CBR3: variants seen among roughly 807,000 people sequenced by gnomAD.
CBR3 encodes carbonyl reductase 3.
A neutral mutation model predicts 11.6 loss-of-function variants in CBR3; 14 were observed. The observed-to-expected ratio is 1.20, with a 90% CI of 0.79 to 1.88. The LOEUF (loss-of-function observed/expected upper bound fraction) is 1.88. Ranked by LOEUF, CBR3 falls within the 40% of genes most tolerant of loss-of-function variation. CBR3 has a pLI of 0.00. For synonymous variants in CBR3, 125 were observed against 145.6 expected (o/e 0.86, Z 1.02); for missense variants, 308 against 357.3 (o/e 0.86, Z 1.11).
Position 36,139,727 on chromosome 21 carries a change from G to A in CBR3, c.397+1795G>A, listed in dbSNP as rs1468818008. Reference sequence around the variant, plus strand: ...TTAACATTTCGAATATGGATTATTGGCCGGGTGTGGTGGCTCATGCCTGTA... The same window carrying A: ...TTAACATTTCGAATATGGATTATTGACCGGGTGTGGTGGCTCATGCCTGTA... On this transcript the variant is annotated intron_variant, in intron 2 of 2. Transcript: ENST00000290354. 2.6e-5 allele frequency among the ~76,000 whole-genome samples: 4 copies of A among 151,928 alleles called. No homozygotes were observed. In the East Asian group the frequency reaches 7.8e-4, roughly 30 times the overall value.
intron 2 of CBR3, among the ~76,000 whole-genome samples, chr21:36,145,686 G>A (rs2065748154): frequency 6.6e-6 from 1 of 152,102 alleles, no homozygotes; most frequent in African/African-American, 2.4e-5. Flanking sequence ...ATGGCCAGGT[G>A]CGGTGGCTCA....
Position 36,135,285 on chromosome 21 carries a change from G to A in CBR3, c.93G>A (p.Gly31=), listed in dbSNP as rs756604189. ...IARELCRQFS[G]DVVLTARDVA... is the part of the protein sequence containing the mutation. ...GCGAACTGTGCCGACAGTTCTCTGGGGATGTGGTGCTCACCGCGCGGGACG... is the reference window on the plus strand; with the variant it reads ...GCGAACTGTGCCGACAGTTCTCTGGAGATGTGGTGCTCACCGCGCGGGACG... The change falls in exon 1 of 3, where the codon GGG becomes GGA. Residue 31 remains glycine (G), a synonymous_variant. Coordinates refer to ENST00000290354, the MANE Select transcript of CBR3 (RefSeq NM_001236.4). 11 of 1,608,724 alleles carry A rather than the reference G, an allele frequency of 6.8e-6. No individual in the cohort carries two copies. The South Asian group carries it at 1.1e-4, about 16-fold the overall frequency.
intron 1 of CBR3, among the ~76,000 whole-genome samples, chr21:36,136,109 C>T (rs2065658102): frequency 6.6e-6 from 1 of 152,094 alleles, no homozygotes. Flanking sequence ...AAAGCATCTT[C>T]CTTAAGGAGA....
At chr21:36,140,402 C>T (rs2065699450) in intron 2 of CBR3, among the ~76,000 whole-genome samples, 1 of 151,982 alleles carries the variant, frequency 6.6e-6, no homozygotes, top group African/African-American at 2.4e-5. Context: ...CAATGTTTGC[C>T]ACTTTGCTTT....
chr21:36,137,334 G>A, intron 1 of CBR3: 1 of 154,956 alleles, frequency 6.5e-6, no homozygotes, highest in Non-Finnish European at 1.4e-5. Flanking sequence ...AAATTAGCTG[G>A]GTGTGGTGGC....
At chr21:36,145,997 A>G (rs2065751990) in intron 2 of CBR3, 79 bp from the exon 3 acceptor site, 2 of 949,056 alleles carry the variant, frequency 2.1e-6, no homozygotes, top group South Asian at 3.3e-5. Context: ...ACCAAGACTC[A>G]ATCATATGTT....
rs10689993 is a variant in CBR3 at position 36,139,881 on chromosome 21, C to CTTTTTT, written c.397+1966_397+1971dup. On this transcript the variant is annotated intron_variant, in intron 2 of 2. Coordinates refer to ENST00000290354, the MANE Select transcript of CBR3 (RefSeq NM_001236.4). ...ACAAAATTATCTCTGGATGCAAAAC[C>CTTTTTT]TTTTTTTTTTTTTTTTTTTTTTCTG... is the stretch of plus-strand genomic sequence containing the variant. Among the ~76,000 whole-genome samples the CTTTTTT allele has an allele frequency of 1.2e-3, 104 of 89,852 alleles. 1 individual carries two copies. The highest frequency in any genetic ancestry group is 1.6e-3 in the East Asian group (4 of 2,508). 58.9% of individuals were successfully genotyped at this position (89,852 alleles called of 152,430 possible).
intron 2 of CBR3, among the ~76,000 whole-genome samples, chr21:36,139,881 CTTTTTTTTT>C (rs10689993): frequency 3.3e-5 from 3 of 89,868 alleles, no homozygotes; most frequent in East Asian, 4.0e-4. Context: ...GATGCAAAAC[CTTTTTTTTT>C]TTTTTTTTTT....
intron 2 of CBR3, among the ~76,000 whole-genome samples, chr21:36,140,144 C>T (rs1460886604): frequency 6.6e-6 from 1 of 152,048 alleles, no homozygotes; most frequent in Non-Finnish European, 1.5e-5. Flanking sequence ...CCGCCTTGGC[C>T]TCCCAAAATG....
At chr21:36,135,934 T>C (rs1400313182) in intron 1 of CBR3, among the ~76,000 whole-genome samples, 1 of 152,196 alleles carries the variant, frequency 6.6e-6, no homozygotes, top group African/African-American at 2.4e-5. Flanking sequence ...GGAAAGGAAA[T>C]GAATCGCTAA....
Position 36,135,500 on chromosome 21 carries a change from T to C in CBR3, c.289+19T>C, listed in dbSNP as rs2065651710. 1 of 1,590,688 alleles carries C rather than the reference T, an allele frequency of 6.3e-7. No individual in the cohort carries two copies. The highest frequency in any genetic ancestry group is 1.7e-5 in the Admixed American group (1 of 57,974). On this transcript the variant is annotated intron_variant, in intron 1 of 2. Transcript: ENST00000290354. ...TTCAAGAGTAGGTGCAGGGCTTGGG[T>C]TGGGGCCCCCTGGAGCGCTCCGAGG...
At chr21:36,137,789 T>C (rs916102024) in intron 1 of CBR3, 36 bp from the exon 2 acceptor site, 13 of 1,239,184 alleles carry the variant, frequency 1.0e-5, no homozygotes, top group Admixed American at 1.7e-5. Context: ...GGGGGAAAAA[T>C]ATGACTTTCT....
rs377377504 is a variant in CBR3, at chr21:36,145,215, CT to C, written c.398-860del. On this transcript the variant is annotated intron_variant, in intron 2 of 2. Transcript: ENST00000290354. ...GAATCCCTGAGAAAGGGAGCCCCCC[CT>C]GTCACTGATGGAGGTGTGTTCTTCC... is the stretch of plus-strand genomic sequence containing the variant. The C allele has an allele frequency of 3.6e-3, 546 of 152,354 alleles. 2 individuals carry two copies. The highest frequency in any genetic ancestry group is 0.013 in the African/African-American group (523 of 41,582). The allele number at this position is 152,354 out of a possible 1,614,324, so 9.4% of individuals were successfully genotyped here. A position where few individuals can be genotyped will look rare whatever the true frequency, so the allele number is the denominator to read the frequency against.
In CBR3 at chr21:36,137,829, T is replaced by C. The variant is rs971581193; in HGVS notation, c.294T>C (p.Asp98=). ...GTTTCTTTCTCTTTTTGAAAGGTGA[T>C]GATCCAATGCCCTTTGACATTAAAG... is the stretch of plus-strand genomic sequence containing the variant. The part of the protein sequence containing the change: ...VNNAAVAFKS[D]DPMPFDIKAE... Residue 98 remains aspartate, a synonymous_variant, in exon 2 of 3, where the codon GAT becomes GAC. Transcript: ENST00000290354. 3 of 1,585,826 alleles carry C rather than the reference T, an allele frequency of 1.9e-6. No individual in the cohort carries two copies. Among genetic ancestry groups the C allele is most frequent in the Non-Finnish European group, 2.6e-6 (3 of 1,154,568 alleles).
intron 2 of CBR3, among the ~76,000 whole-genome samples, chr21:36,143,642 G>C (rs2065730952): frequency 6.6e-6 from 1 of 152,094 alleles, no homozygotes; most frequent in Non-Finnish European, 1.5e-5. Context: ...CACTTTGGGA[G>C]GCCAAGGCAG....
At chr21:36,142,442 A>AAAAAAAACAAAAAG in intron 2 of CBR3, among the ~76,000 whole-genome samples, 1 of 149,024 alleles carries the variant, frequency 6.7e-6, no homozygotes, top group Non-Finnish European at 1.5e-5. Flanking sequence ...AAAAAAAAAA[A>AAAAAAAACAAAAAG]AAAAAACGCA....
intron 2 of CBR3, among the ~76,000 whole-genome samples, chr21:36,142,540 G>A (rs573052593): frequency 2.0e-5 from 3 of 151,990 alleles, no homozygotes; most frequent in African/African-American, 7.2e-5. Context: ...ATTTGAATAT[G>A]GGCTGTATTT....
intron 2 of CBR3, among the ~76,000 whole-genome samples, chr21:36,143,985 G>A (rs1322131748): frequency 2.0e-5 from 3 of 152,122 alleles, no homozygotes; most frequent in Admixed American, 6.6e-5. Context: ...GTCATCCCCA[G>A]GGATTCCTTA....
chr21:36,137,808 C>G lies in CBR3; in HGVS notation c.290-17C>G. On this transcript the variant is annotated splice_polypyrimidine_tract_variant and intron_variant, in intron 1 of 2. Coordinates refer to ENST00000290354, the MANE Select transcript of CBR3 (RefSeq NM_001236.4). Reference sequence around the variant, plus strand: ...GAAAAATATGACTTTCTTTTTGTTTCTTTCTCTTTTTGAAAGGTGATGATC... The same window carrying G: ...GAAAAATATGACTTTCTTTTTGTTTGTTTCTCTTTTTGAAAGGTGATGATC... 6.9e-7 allele frequency: 1 copy of G among 1,453,090 alleles called. No homozygotes were observed. Among genetic ancestry groups the G allele is most frequent in the South Asian group, 1.1e-5 (1 of 87,048 alleles). The allele number at this position is 1,453,090 out of a possible 1,614,324, so 90.0% of individuals were successfully genotyped here.
Sources: allele counts gnomAD v4.1 joint callset (sites outside exome capture counted in the v4.1 genomes callset), GRCh38; gene constraint gnomAD v4.1.1; transcripts MANE v1.5; gene names NCBI Gene and HGNC (gene_info 2026-07-23, HGNC 2026-07-21).